Variants in CSMD1 observed in about 807,000 individuals in gnomAD.
The protein encoded by CSMD1 is CUB and Sushi multiple domains 1, also known as CUB and sushi domain-containing protein 1.
Under a neutral mutation model 417.5 loss-of-function variants are expected in CSMD1, and 213 were observed. That is an observed-to-expected ratio of 0.51 (90% CI 0.46 to 0.57). The LOEUF (loss-of-function observed/expected upper bound fraction) is 0.57, where lower values mean the gene tolerates loss of function less well. Ranked by LOEUF, CSMD1 falls within the 20% of genes least tolerant of loss-of-function variation. The pLI, the probability that CSMD1 is intolerant of heterozygous loss-of-function variation, is 0.00. For synonymous variants in CSMD1, 2,862 were observed against 1,736.8 expected, an observed-to-expected ratio of 1.65 and a Z score of -16.11; for missense variants, 6,923 against 4,529.7, an observed-to-expected ratio of 1.53 and a Z score of -15.17.
intron 2 of CSMD1, among the ~76,000 whole-genome samples, chr8:4,493,657 T>G (rs911795644): frequency 6.6e-6 from 1 of 152,160 alleles, no homozygotes; most frequent in East Asian, 1.9e-4. Flanking sequence ...AGCGTGCCAA[T>G]GTACTCCAGA....
intron 5 of CSMD1, among the ~76,000 whole-genome samples, chr8:3,903,580 CT>C (rs1160283014): frequency 6.6e-6 from 1 of 152,138 alleles, no homozygotes; most frequent in Non-Finnish European, 1.5e-5. Flanking sequence ...ATTACGGTGC[CT>C]TTTTCTTCAT....
intron 5 of CSMD1, among the ~76,000 whole-genome samples, chr8:3,997,313 G>T (rs368904440): frequency 2.0e-5 from 3 of 152,134 alleles, no homozygotes; most frequent in African/African-American, 7.2e-5. Flanking sequence ...TACTTCATTA[G>T]ATCTTGTTTT....
At chr8:3,140,723 A>T (rs1367297148) in intron 41 of CSMD1, among the ~76,000 whole-genome samples, 1 of 131,190 alleles carries the variant, frequency 7.6e-6, no homozygotes, top group Non-Finnish European at 1.6e-5. Context: ...ATTTAACTAT[A>T]TTAAAAAAAA....
At chr8:3,953,131 C>T (rs1308911489) in intron 5 of CSMD1, among the ~76,000 whole-genome samples, 1 of 151,614 alleles carries the variant, frequency 6.6e-6, no homozygotes. Flanking sequence ...TGATCATAAA[C>T]CCTAAAAAAT....
intron 7 of CSMD1, among the ~76,000 whole-genome samples, chr8:3,641,563 C>A (rs1293255170): frequency 6.6e-6 from 1 of 152,166 alleles, no homozygotes; most frequent in South Asian, 2.1e-4. Context: ...AAAGTCAGAA[C>A]ATCCTTTCAG....
At chr8:4,250,726 A>G (rs558224388) in intron 3 of CSMD1, among the ~76,000 whole-genome samples, 11 of 152,286 alleles carry the variant, frequency 7.2e-5, no homozygotes, top group African/African-American at 2.4e-4. Flanking sequence ...GAGCAAATCT[A>G]AAGAAAGTTT....
At chr8:3,589,112 C>A (rs967321898) in intron 8 of CSMD1, among the ~76,000 whole-genome samples, 2 of 152,044 alleles carry the variant, frequency 1.3e-5, no homozygotes, top group Non-Finnish European at 2.9e-5. Context: ...GAAAAGGGAA[C>A]CCTTGTACAT....
At chr8:3,893,527 A>G (rs1807140210) in intron 5 of CSMD1, among the ~76,000 whole-genome samples, 1 of 151,726 alleles carries the variant, frequency 6.6e-6, no homozygotes, top group African/African-American at 2.4e-5. Flanking sequence ...AATTAAATTT[A>G]TAAATATTAT....
chr8:3,348,061 T>A lies in CSMD1; in HGVS notation c.3405A>T (p.Glu1135Asp). The part of the protein sequence containing the change: ...DNNHECIYKI[E>D]TEAGKGIHLR... ...GGTGGATGCCCTTGCCGGCTTCTGT[T>A]TCTATTTTATAGATACACTCATGGT... The change falls in exon 22 of 70, where the codon GAA becomes GAT. Residue 1135 changes from glutamate (E) to aspartate (D), a missense_variant. Physicochemically the swap from Glu to Asp is conservative, Grantham distance 45 (BLOSUM62 2). Coordinates refer to ENST00000635120, the MANE Select transcript of CSMD1 (RefSeq NM_033225.6). 6.2e-7 allele frequency: 1 copy of A among 1,612,034 alleles called. No homozygotes were observed. Among genetic ancestry groups the A allele is most frequent in the African/African-American group, 1.3e-5 (1 of 75,006 alleles).
intron 1 of CSMD1, among the ~76,000 whole-genome samples, chr8:4,849,712 G>A (rs1374973008): frequency 6.6e-6 from 1 of 152,062 alleles, no homozygotes; most frequent in South Asian, 2.1e-4. Flanking sequence ...GAAGCTTAGG[G>A]GCAACAGGCT....
chr8:3,324,926 T>C (rs908913633), intron 23 of CSMD1, among the ~76,000 whole-genome samples: 3 of 152,146 alleles, frequency 2.0e-5, no homozygotes, highest in Non-Finnish European at 2.9e-5. Flanking sequence ...GGAATTTAAT[T>C]GACAGGATTA....
intron 5 of CSMD1, among the ~76,000 whole-genome samples, chr8:3,815,309 T>G (rs1296746499): frequency 6.6e-6 from 1 of 152,280 alleles, no homozygotes; most frequent in East Asian, 1.9e-4. Flanking sequence ...GTGTTGAGTA[T>G]TAGTTCACTT....
chr8:4,462,937 CAAGAA>C (rs1417343858), intron 2 of CSMD1, among the ~76,000 whole-genome samples: 1 of 151,832 alleles, frequency 6.6e-6, no homozygotes, highest in African/African-American at 2.4e-5. Flanking sequence ...ATCAAAAGCA[CAAGAA>C]AAGAATTAAC....
intron 7 of CSMD1, among the ~76,000 whole-genome samples, chr8:3,642,048 G>C (rs1004886062): frequency 1.3e-5 from 2 of 152,044 alleles, no homozygotes; most frequent in African/African-American, 2.4e-5. Context: ...TGATCACCTG[G>C]AACTTCTACT....
At chr8:4,009,630 T>A (rs996638634) in intron 4 of CSMD1, among the ~76,000 whole-genome samples, 1 of 152,062 alleles carries the variant, frequency 6.6e-6, no homozygotes, top group Non-Finnish European at 1.5e-5. Context: ...AGGAAAGAAA[T>A]AAGAAATACA....
Position 3,200,421 on chromosome 8 carries a change from G to T in CSMD1, c.5099-612C>A, listed in dbSNP as rs1248620887. Among the ~76,000 whole-genome samples, 3 of 151,876 alleles carry T rather than the reference G, an allele frequency of 2.0e-5. No homozygotes were observed. The East Asian group carries it at 5.8e-4, about 30-fold the overall frequency. ...AATACAAAAATTAGCCAGGCGTGGT[G>T]GTGCATGCCTGTAATCCCAGCCACT... On this transcript the variant is annotated intron_variant, in intron 32 of 69. Coordinates refer to ENST00000635120, the MANE Select transcript of CSMD1 (RefSeq NM_033225.6).
intron 3 of CSMD1, among the ~76,000 whole-genome samples, chr8:4,055,507 G>A (rs1265207894): frequency 2.1e-5 from 3 of 140,776 alleles, no homozygotes; most frequent in African/African-American, 3.1e-5. Context: ...ATAAATAAGA[G>A]TCAAAATCAG....
intron 23 of CSMD1, among the ~76,000 whole-genome samples, chr8:3,323,636 G>C (rs1468145684): frequency 6.6e-6 from 1 of 152,128 alleles, no homozygotes; most frequent in African/African-American, 2.4e-5. Context: ...CAAAAACAAC[G>C]TTGTGTTTAC....
intron 1 of CSMD1, among the ~76,000 whole-genome samples, chr8:4,899,907 A>G (rs2117038776): frequency 6.6e-6 from 1 of 152,264 alleles, no homozygotes. Flanking sequence ...CTGTCCCTAG[A>G]GTTTACCCAT....
Sources: allele counts gnomAD v4.1 joint callset (sites outside exome capture counted in the v4.1 genomes callset), GRCh38; gene constraint gnomAD v4.1.1; transcripts MANE v1.5; gene names NCBI Gene and HGNC (gene_info 2026-07-23, HGNC 2026-07-21).